The following PRKAR2B variants were observed in gnomAD, a reference collection of about 807,000 sequenced individuals.
The protein encoded by PRKAR2B is protein kinase cAMP-dependent type II regulatory subunit beta, also known as cAMP-dependent protein kinase type II-beta regulatory subunit.
Under a neutral mutation model 49.9 loss-of-function variants are expected in PRKAR2B, and 14 were observed. That is an observed-to-expected ratio of 0.28 (90% CI 0.19 to 0.44). PRKAR2B has a LOEUF of 0.44. PRKAR2B is among the 20% of genes least tolerant of loss of function. The pLI, the probability that PRKAR2B is intolerant of heterozygous loss-of-function variation, is 1.00. For missense variants in PRKAR2B, 393 were observed against 537.9 expected (o/e 0.73, Z 2.67); for synonymous variants, 196 against 197.7 (o/e 0.99, Z 0.07).
At position 107,095,436 on chromosome 7, in the gene PRKAR2B, T is replaced by C. The variant is rs182194963; in HGVS notation, c.343+25120T>C. Among the ~76,000 whole-genome samples the C allele has an allele frequency of 5.4e-4, 82 of 152,342 alleles. 1 individual carries two copies. Among genetic ancestry groups the C allele is most frequent in the Admixed American group, 3.9e-3 (59 of 15,296 alleles). ...ATGTGGTTTTCTAAATATAAAATCA[T>C]GTCATCTGCAAACAGGGACAATTTG... On this transcript the variant is annotated intron_variant, in intron 2 of 10. Coordinates refer to ENST00000265717, the MANE Select transcript of PRKAR2B (RefSeq NM_002736.3).
chr7:107,121,802 T>G (rs1795393856), intron 2 of PRKAR2B, 150 bp from the exon 3 acceptor site: 2 of 409,080 alleles, frequency 4.9e-6, no homozygotes, highest in Non-Finnish European at 8.7e-6. Context: ...GAAACCAATT[T>G]TGGGGGGTAG....
intron 2 of PRKAR2B, among the ~76,000 whole-genome samples, chr7:107,110,023 C>G (rs763536431): frequency 6.6e-5 from 10 of 152,176 alleles, no homozygotes; most frequent in Non-Finnish European, 1.0e-4. Flanking sequence ...GGGTAGGAGA[C>G]AGTCTTGGGT....
chr7:107,161,278 A>G lies in PRKAR2B; in HGVS notation c.*1696A>G, dbSNP rs1456031488. On this transcript the variant is annotated 3_prime_UTR_variant, in exon 11 of 11. Transcript: ENST00000265717. The stretch of plus-strand genomic sequence containing the variant: ...AAAAGCCATGTCTGTTAAACAAGAA[A>G]AAACACAAAAGAACTCCAGATTCCT... 1 of 152,404 alleles carries G rather than the reference A, an allele frequency of 6.6e-6. No homozygotes were observed. Among genetic ancestry groups the G allele is most frequent in the Non-Finnish European group, 1.5e-5 (1 of 68,042 alleles). The allele number at this position is 152,404 out of a possible 1,614,324, so 9.4% of individuals were successfully genotyped here. A position where few individuals can be genotyped will look rare whatever the true frequency, so the allele number is the denominator to read the frequency against.
chr7:107,136,568 C>G (rs547714722), intron 4 of PRKAR2B, among the ~76,000 whole-genome samples: 5 of 152,294 alleles, frequency 3.3e-5, no homozygotes, highest in African/African-American at 1.2e-4. Flanking sequence ...TGCTCCACAT[C>G]ACATGTCATC....
chr7:107,069,520 G>A (rs1178660909), intron 1 of PRKAR2B: 1 of 152,108 alleles, frequency 6.6e-6, no homozygotes, highest in Non-Finnish European at 1.5e-5. Context: ...AGCCAGAAAT[G>A]TACCTGCTTC....
chr7:107,122,108 CAT>C, intron 3 of PRKAR2B, 104 bp downstream of exon 3: 1 of 646,458 alleles, frequency 1.5e-6, no homozygotes, highest in South Asian at 3.0e-5. Flanking sequence ...TAACAGGAGA[CAT>C]AATGGAATTA....
chr7:107,087,373 G>A (rs1794641336), intron 2 of PRKAR2B, among the ~76,000 whole-genome samples: 1 of 151,978 alleles, frequency 6.6e-6, no homozygotes, highest in Admixed American at 6.6e-5. Context: ...GTTCCATTTT[G>A]CATACAAACT....
intron 4 of PRKAR2B, among the ~76,000 whole-genome samples, chr7:107,139,939 C>T (rs3801968): frequency 0.5 from 76,404 of 152,034 alleles, 20,473 homozygotes; most frequent in South Asian, 0.61. Flanking sequence ...ATTATACCTT[C>T]TGTATGCCCA....
chr7:107,076,482 A>G (rs987374464), intron 2 of PRKAR2B, among the ~76,000 whole-genome samples: 11 of 152,144 alleles, frequency 7.2e-5, no homozygotes, highest in African/African-American at 2.7e-4. Flanking sequence ...TAACCATAAG[A>G]CAGTTCCCTA....
chr7:107,097,491 G>T (rs952339736), intron 2 of PRKAR2B, among the ~76,000 whole-genome samples: 2 of 152,076 alleles, frequency 1.3e-5, no homozygotes, highest in African/African-American at 4.8e-5. Context: ...TTTAATTGGA[G>T]CATTTAGCCC....
chr7:107,054,212 G>A (rs1436379920), intron 1 of PRKAR2B, among the ~76,000 whole-genome samples: 4 of 152,074 alleles, frequency 2.6e-5, no homozygotes, highest in Admixed American at 6.6e-5. Context: ...AAATTAGCCT[G>A]GCGTGGTGGC....
At chr7:107,063,603 G>A (rs963747689) in intron 1 of PRKAR2B, among the ~76,000 whole-genome samples, 3 of 152,124 alleles carry the variant, frequency 2.0e-5, no homozygotes, top group African/African-American at 7.2e-5. Context: ...TCCTGAGAGG[G>A]GGTTATTTGA....
intron 2 of PRKAR2B, among the ~76,000 whole-genome samples, chr7:107,109,268 GT>G (rs1260042090): frequency 6.6e-6 from 1 of 151,756 alleles, no homozygotes. Flanking sequence ...TTTTCATTTT[GT>G]TTTTTTAAGA....
chr7:107,140,965 C>A lies in PRKAR2B; in HGVS notation c.587+12C>A. 2 of 1,572,176 alleles carry A rather than the reference C, an allele frequency of 1.3e-6. No individual in the cohort carries two copies. The highest frequency in any genetic ancestry group is 1.7e-6 in the Non-Finnish European group (2 of 1,147,964). On this transcript the variant is annotated intron_variant, in intron 5 of 10. Coordinates refer to ENST00000265717, the MANE Select transcript of PRKAR2B (RefSeq NM_002736.3). Reference sequence around the variant, plus strand: ...TATGTAATTGATAGGTAAGTTTTGCCCAACCTTACTATTGAAATTGAAAGA... The same window carrying A: ...TATGTAATTGATAGGTAAGTTTTGCACAACCTTACTATTGAAATTGAAAGA...
chr7:107,089,824 A>T lies in PRKAR2B; in HGVS notation c.343+19508A>T, dbSNP rs142026554. Among the ~76,000 whole-genome samples, 1,386 of 152,316 alleles carry T rather than the reference A, an allele frequency of 9.1e-3. 24 individuals carry two copies. The highest frequency in any genetic ancestry group is 0.032 in the African/African-American group (1,327 of 41,562). ...CTCTACTAGCACAGATAAGCAGATA[A>T]AACAGTCATGGACACTCCTTTCAGA... On this transcript the variant is annotated intron_variant, in intron 2 of 10. Coordinates refer to ENST00000265717, the MANE Select transcript of PRKAR2B (RefSeq NM_002736.3).
intron 1 of PRKAR2B, among the ~76,000 whole-genome samples, chr7:107,061,432 C>T (rs960827806): frequency 2.0e-5 from 3 of 150,692 alleles, no homozygotes. Context: ...TAATTTTCTC[C>T]ATAAGGATTT....
intron 4 of PRKAR2B, among the ~76,000 whole-genome samples, chr7:107,134,700 A>T (rs1372751369): frequency 6.6e-6 from 1 of 152,226 alleles, no homozygotes; most frequent in Non-Finnish European, 1.5e-5. Context: ...CTTATGGCCA[A>T]TTGATTTTCC....
intron 1 of PRKAR2B, among the ~76,000 whole-genome samples, chr7:107,053,812 G>C (rs1008825754): frequency 6.6e-6 from 1 of 152,040 alleles, no homozygotes; most frequent in Non-Finnish European, 1.5e-5. Flanking sequence ...TTTCTGGTTA[G>C]GAATCAGTAA....
intron 2 of PRKAR2B, among the ~76,000 whole-genome samples, chr7:107,116,285 G>A (rs1795271284): frequency 6.6e-6 from 1 of 152,068 alleles, no homozygotes; most frequent in Non-Finnish European, 1.5e-5. Context: ...TAATTCTTTA[G>A]GGAACCTCCT....
Sources: allele counts gnomAD v4.1 joint callset (sites outside exome capture counted in the v4.1 genomes callset), GRCh38; gene constraint gnomAD v4.1.1; transcripts MANE v1.5; gene names NCBI Gene and HGNC (gene_info 2026-07-23, HGNC 2026-07-21).